Variants in MRTFB observed in about 807,000 individuals in gnomAD.
MRTFB encodes myocardin-related transcription factor B.
Under a neutral mutation model 104.2 loss-of-function variants are expected in MRTFB, and 29 were observed. The ratio of observed to expected loss-of-function variants is 0.28; its 90% CI spans 0.21 to 0.38. MRTFB has a LOEUF of 0.38. Among genes scored for constraint, MRTFB ranks in the 10% least tolerant of loss-of-function variants. The pLI, the probability that MRTFB is intolerant of heterozygous loss-of-function variation, is 1.00. For missense variants in MRTFB, 1,270 were observed against 1,341.6 expected, an observed-to-expected ratio of 0.95 and a Z score of 0.83; for synonymous variants, 535 against 519.5, an observed-to-expected ratio of 1.03 and a Z score of -0.41.
intron 3 of MRTFB, chr16:14,201,043 T>C: frequency 6.6e-7 from 1 of 1,517,366 alleles, no homozygotes; most frequent in Non-Finnish European, 9.0e-7. Context: ...TTTGAACCTT[T>C]TAGAGCTTAG....
chr16:14,116,557 T>C (rs541365704), intron 2 of MRTFB, among the ~76,000 whole-genome samples: 18 of 152,288 alleles, frequency 1.2e-4, no homozygotes, highest in African/African-American at 3.9e-4. Flanking sequence ...CCTCTGACAT[T>C]TGCCTTGCTT....
the MRTFB span, among the ~76,000 whole-genome samples, chr16:14,066,225 CTTAT>C: frequency 6.6e-6 from 1 of 151,068 alleles, no homozygotes; most frequent in Non-Finnish European, 1.5e-5. Context: ...GAAACCATAC[CTTAT>C]TTTTTATTTT....
the MRTFB span, among the ~76,000 whole-genome samples, chr16:14,046,315 G>T: frequency 2.0e-5 from 3 of 152,204 alleles, no homozygotes; most frequent in Non-Finnish European, 1.5e-5. Flanking sequence ...GACAGAGTGA[G>T]ACCCTGTCTC....
chr16:14,120,704 C>T (rs1306949810), intron 2 of MRTFB, among the ~76,000 whole-genome samples: 1 of 152,144 alleles, frequency 6.6e-6, no homozygotes. Context: ...TATATTGATA[C>T]ATTATGCAAG....
chr16:14,039,911 T>G, the MRTFB span, among the ~76,000 whole-genome samples: 5 of 151,826 alleles, frequency 3.3e-5, no homozygotes, highest in Non-Finnish European at 7.4e-5. Context: ...ACCACGCCTG[T>G]CTAATTTTGT....
At position 14,137,445 on chromosome 16, in the gene MRTFB, A is replaced by G. The variant is rs139229603; in HGVS notation, c.-63-3099A>G. On this transcript the variant is annotated intron_variant, in intron 2 of 16. Transcript: ENST00000571589. ...TGCATGAAAATATTTTTTTAAATCTATACCTAAAGGATCTTCCAAATCATT... is the reference window on the plus strand; with the variant it reads ...TGCATGAAAATATTTTTTTAAATCTGTACCTAAAGGATCTTCCAAATCATT... 3.9e-5 allele frequency among the ~76,000 whole-genome samples: 6 copies of G among 152,270 alleles called. No individual in the cohort carries two copies. The East Asian group carries it at 7.7e-4, about 20-fold the overall frequency.
intron 2 of MRTFB, among the ~76,000 whole-genome samples, chr16:14,106,983 C>G (rs28485830): frequency 0.06 from 9,123 of 152,148 alleles, 854 homozygotes; most frequent in African/African-American, 0.2. Context: ...TTACTGTTTT[C>G]CAGGAGGTCT....
At chr16:14,231,278 TATA>T (rs989912847) in intron 8 of MRTFB, among the ~76,000 whole-genome samples, 57 of 150,272 alleles carry the variant, frequency 3.8e-4, no homozygotes, top group African/African-American at 1.3e-3. Flanking sequence ...AAACTTAAAG[TATA>T]ATAATAATAA....
the MRTFB span, among the ~76,000 whole-genome samples, chr16:14,039,934 G>A: frequency 6.6e-6 from 1 of 152,018 alleles, no homozygotes; most frequent in African/African-American, 2.4e-5. Context: ...TTTTAGTAGA[G>A]ATGGGGTTTC....
chr16:14,067,420 A>G (rs2033535885), upstream of MRTFB, among the ~76,000 whole-genome samples: 1 of 151,908 alleles, frequency 6.6e-6, no homozygotes, highest in Admixed American at 6.6e-5. Flanking sequence ...ACAGGGTTTC[A>G]CCATGTTGGC....
rs1357591221 is a variant in MRTFB, at chr16:14,266,159, A to C, written c.*4715A>C. On this transcript the variant is annotated 3_prime_UTR_variant, in exon 17 of 17. Transcript: ENST00000571589. ...AATTTGAGACTAATGAGATCTCAAAAATCAGCCCCAAAAAGGTATTATCCA... is the reference window on the plus strand; with the variant it reads ...AATTTGAGACTAATGAGATCTCAAACATCAGCCCCAAAAAGGTATTATCCA... 2 of 152,238 alleles carry C rather than the reference A, an allele frequency of 1.3e-5. No individual in the cohort carries two copies. Among genetic ancestry groups the C allele is most frequent in the African/African-American group, 2.4e-5 (1 of 41,460 alleles). 9.4% of individuals were successfully genotyped at this position (152,238 alleles called of 1,614,324 possible).
chr16:14,184,223 T>A (rs969771244), intron 3 of MRTFB, among the ~76,000 whole-genome samples: 2 of 104,818 alleles, frequency 1.9e-5, no homozygotes, highest in African/African-American at 2.2e-4. Flanking sequence ...AAGTATTTGA[T>A]TTTTTTTTTT....
At chr16:14,128,880 C>T (rs2037296444) in intron 2 of MRTFB, among the ~76,000 whole-genome samples, 1 of 152,196 alleles carries the variant, frequency 6.6e-6, no homozygotes, top group African/African-American at 2.4e-5. Flanking sequence ...CACACAGAGA[C>T]ATGTAACCAC....
At chr16:14,014,197 G>A in the MRTFB span, among the ~76,000 whole-genome samples, 1 of 152,152 alleles carries the variant, frequency 6.6e-6, no homozygotes, top group Non-Finnish European at 1.5e-5. Context: ...AAGTAAGAGT[G>A]AAGACTGGTG....
the MRTFB span, among the ~76,000 whole-genome samples, chr16:14,013,921 C>A: frequency 6.6e-6 from 1 of 152,214 alleles, no homozygotes; most frequent in Non-Finnish European, 1.5e-5. Context: ...GTGAAGTCCA[C>A]CCTCGCACCT....
chr16:14,233,247 A>G (rs1284364431), intron 8 of MRTFB, among the ~76,000 whole-genome samples: 3 of 152,224 alleles, frequency 2.0e-5, no homozygotes, highest in Admixed American at 6.5e-5. Flanking sequence ...AAAACAGATC[A>G]GTCTTACCAA....
intron 8 of MRTFB, among the ~76,000 whole-genome samples, chr16:14,222,091 C>T (rs375239153): frequency 7.2e-5 from 11 of 152,098 alleles, no homozygotes; most frequent in East Asian, 3.9e-4. Flanking sequence ...ATTTAATTTT[C>T]GATGCATGTG....
intron 3 of MRTFB, among the ~76,000 whole-genome samples, chr16:14,180,037 T>G (rs149800849): frequency 6.6e-6 from 1 of 152,344 alleles, no homozygotes; most frequent in East Asian, 1.9e-4. Context: ...TCTACAGCGA[T>G]TGGAAGTTTT....
Position 14,176,388 on chromosome 16 carries a change from G to A in MRTFB, c.155-33855G>A, listed in dbSNP as rs190135630. On this transcript the variant is annotated intron_variant, in intron 3 of 16. Transcript: ENST00000571589. ...GGAAATATGAAAAGTATACAGACAA[G>A]TGTTGATGTTGAGAGAAAGTATAAA... is the stretch of plus-strand genomic sequence containing the variant. 2.1e-3 allele frequency among the ~76,000 whole-genome samples: 322 copies of A among 152,358 alleles called. 3 individuals are homozygous for A. Among genetic ancestry groups the A allele is most frequent in the African/African-American group, 7.4e-3 (307 of 41,586 alleles).
Sources: allele counts gnomAD v4.1 joint callset (sites outside exome capture counted in the v4.1 genomes callset), GRCh38; gene constraint gnomAD v4.1.1; transcripts MANE v1.5; gene names NCBI Gene and HGNC (gene_info 2026-07-23, HGNC 2026-07-21).